Variants in MKRN1 observed in about 807,000 individuals in gnomAD.
MKRN1 encodes the protein E3 ubiquitin-protein ligase makorin-1.
Under a neutral mutation model 55.5 loss-of-function variants are expected in MKRN1, and 9 were observed. The ratio of observed to expected loss-of-function variants is 0.16; its 90% CI spans 0.10 to 0.28. The LOEUF (loss-of-function observed/expected upper bound fraction) is 0.28. Ranked by LOEUF, MKRN1 falls within the 10% of genes least tolerant of loss-of-function variation. The pLI, the probability that MKRN1 is intolerant of heterozygous loss-of-function variation, is 1.00. For synonymous variants in MKRN1, 253 were observed against 235.9 expected, an observed-to-expected ratio of 1.07 and a Z score of -0.66; for missense variants, 488 against 626.7, an observed-to-expected ratio of 0.78 and a Z score of 2.36.
intron 2 of MKRN1, among the ~76,000 whole-genome samples, chr7:140,463,324 T>C (rs1007893899): frequency 6.6e-6 from 1 of 152,214 alleles, no homozygotes; most frequent in African/African-American, 2.4e-5. Flanking sequence ...CTCACTGTCC[T>C]ACTAAGTGAT....
chr7:140,457,033 G>T (rs1794484628), intron 4 of MKRN1, 167 bp from the exon 5 acceptor site: 4 of 602,878 alleles, frequency 6.6e-6, no homozygotes, highest in Non-Finnish European at 8.2e-6. Context: ...CAGGTGTGGT[G>T]TTTTTTTTTT....
Position 140,453,036 on chromosome 7 carries a change from C to T in MKRN1, c.*1481G>A, listed in dbSNP as rs1794373682. On this transcript the variant is annotated 3_prime_UTR_variant, in exon 8 of 8. Transcript: ENST00000255977. ...GGCACATTTCAAAAACAGCTCATTA[C>T]ACAGAACAGCCAACTTTTTTTTTAA... 6.6e-6 allele frequency: 1 copy of T among 152,570 alleles called. No individual in the cohort carries two copies. The highest frequency in any genetic ancestry group is 2.4e-5 in the African/African-American group (1 of 41,418). The allele number at this position is 152,570 out of a possible 1,614,324, so 9.5% of individuals were successfully genotyped here.
rs113609274 is a variant in MKRN1, at chr7:140,470,664, C to T, written c.314+1219G>A. On this transcript the variant is annotated intron_variant, in intron 2 of 7. Transcript: ENST00000255977. ...GGCACTGTGTCTCACACCTGTAATCCCAGCACTCTGGGAGGCCGAGGTGGG... is the reference window on the plus strand; with the variant it reads ...GGCACTGTGTCTCACACCTGTAATCTCAGCACTCTGGGAGGCCGAGGTGGG... Among the ~76,000 whole-genome samples the T allele has an allele frequency of 1.5e-4, 23 of 150,854 alleles. 1 individual carries two copies. The highest frequency in any genetic ancestry group is 5.4e-4 in the African/African-American group (22 of 41,056).
At chr7:140,467,372 G>T (rs1794804186) in intron 2 of MKRN1, among the ~76,000 whole-genome samples, 1 of 152,004 alleles carries the variant, frequency 6.6e-6, no homozygotes. Context: ...TACCTTCCCA[G>T]GTTCAAGTGA....
chr7:140,477,855 T>C (rs1294783741), intron 1 of MKRN1, among the ~76,000 whole-genome samples: 1 of 152,214 alleles, frequency 6.6e-6, no homozygotes, highest in Non-Finnish European at 1.5e-5. Context: ...ATTCAAATAA[T>C]TTGCTCCATG....
chr7:140,469,039 AC>A (rs1243230823), intron 2 of MKRN1, among the ~76,000 whole-genome samples: 1 of 152,108 alleles, frequency 6.6e-6, no homozygotes, highest in East Asian at 1.9e-4. Context: ...ATTAAAATTG[AC>A]TATGACTATG....
intron 2 of MKRN1, among the ~76,000 whole-genome samples, chr7:140,470,647 G>A (rs1392613259): frequency 6.6e-6 from 1 of 151,602 alleles, no homozygotes; most frequent in Non-Finnish European, 1.5e-5. Context: ...TGGGCACTGT[G>A]TCTCACACCT....
At chr7:140,477,209 C>G (rs2130376367) in intron 1 of MKRN1, among the ~76,000 whole-genome samples, 1 of 151,908 alleles carries the variant, frequency 6.6e-6, no homozygotes, top group Middle Eastern at 3.4e-3. Context: ...ATGTCAAACA[C>G]TAAAACCCCA....
rs376539828 is a variant in MKRN1 at position 140,463,790 on chromosome 7, G to C, written c.315-3854C>G. Among the ~76,000 whole-genome samples the C allele has an allele frequency of 3.4e-3, 515 of 152,000 alleles. 2 individuals carry two copies. The highest frequency in any genetic ancestry group is 0.01 in the African/African-American group (420 of 41,460). On this transcript the variant is annotated intron_variant, in intron 2 of 7. Transcript: ENST00000255977. Reference sequence around the variant, plus strand: ...GTCCCAGCTACTCGGGAGGCTGAGGGAGGAGAATGGCGTGAACCTGGGAGG... The same window carrying C: ...GTCCCAGCTACTCGGGAGGCTGAGGCAGGAGAATGGCGTGAACCTGGGAGG...
intron 1 of MKRN1, among the ~76,000 whole-genome samples, chr7:140,472,562 G>T (rs900595328): frequency 4.8e-4 from 73 of 151,322 alleles, no homozygotes; most frequent in African/African-American, 1.7e-3. Flanking sequence ...CTAATTTCTT[G>T]TATTTTTAGT....
chr7:140,471,005 A>AG (rs1794907741), intron 2 of MKRN1, among the ~76,000 whole-genome samples: 1 of 152,128 alleles, frequency 6.6e-6, no homozygotes. Context: ...AGTGTCTCTG[A>AG]GATAGAACCA....
chr7:140,479,320 T>C lies in MKRN1; in HGVS notation c.25A>G (p.Thr9Ala). The C allele has an allele frequency of 7.6e-7, 1 of 1,311,426 alleles. No homozygotes were observed. 81.2% of individuals were successfully genotyped at this position (1,311,426 alleles called of 1,614,324 possible). A position where few individuals can be genotyped will look rare whatever the true frequency, so the allele number is the denominator to read the frequency against. The change falls in exon 1 of 8, where the codon ACA becomes GCA. Residue 9 changes from threonine (T) to alanine (A), a missense_variant. Physicochemically the swap from Thr to Ala is moderately conservative, Grantham distance 58. Transcript: ENST00000255977. MAEAATPG[T>A]TATTSGAGAA... is the part of the protein sequence containing the mutation. ...CCTGCTCCTGATGTTGTGGCTGTTGTTCCGGGAGTTGCAGCCTCCGCCATT... is the reference window on the plus strand; with the variant it reads ...CCTGCTCCTGATGTTGTGGCTGTTGCTCCGGGAGTTGCAGCCTCCGCCATT...
rs1225401969 is a variant in MKRN1, at chr7:140,455,842, C to T, written c.1045G>A (p.Glu349Lys). ...NFVIPSEYWV[E>K]EKEEKQKLIL... ...AGTTTCTGCTTCTCTTCTTTCTCCTCCACCCAGTACTCACTTGGAATGACA... is the reference window on the plus strand; with the variant it reads ...AGTTTCTGCTTCTCTTCTTTCTCCTTCACCCAGTACTCACTTGGAATGACA... Residue 349 changes from glutamate (E) to lysine (K), a missense_variant, in exon 6 of 8, where the codon GAG (glutamate) becomes AAG (lysine). Transcript: ENST00000255977. 10 of 1,614,140 alleles carry T rather than the reference C, an allele frequency of 6.2e-6. No individual in the cohort carries two copies. The highest frequency in any genetic ancestry group is 8.5e-6 in the Non-Finnish European group (10 of 1,180,018).
intron 1 of MKRN1, among the ~76,000 whole-genome samples, chr7:140,476,809 G>C (rs557596517): frequency 1.4e-4 from 21 of 152,148 alleles, no homozygotes; most frequent in South Asian, 4.1e-4. Flanking sequence ...ACCGGGTGCG[G>C]TGGCTCACGC....
In MKRN1 at chr7:140,471,978, G is replaced by T; in HGVS notation, c.219C>A (p.Asp73Glu). 6.2e-7 allele frequency: 1 copy of T among 1,614,118 alleles called. No individual in the cohort carries two copies. Among genetic ancestry groups the T allele is most frequent in the Non-Finnish European group, 8.5e-7 (1 of 1,180,028 alleles). Residue 73 changes from aspartate to glutamate, a missense_variant, in exon 2 of 8, where the codon GAC becomes GAA. Transcript: ENST00000255977. ...AGAGGTCATGCGAGTAGCGACAGTT[G>T]TCTCCTTCCTTACAAACCCCATGCA... ...YFMHGVCKEGDNCRYSHDLSD... is the reference protein window; with the variant it reads ...YFMHGVCKEGENCRYSHDLSD...
rs1483553303 is a variant in MKRN1 at position 140,453,532 on chromosome 7, C to T, written c.*985G>A. 6.6e-6 allele frequency: 1 copy of T among 152,552 alleles called. No individual in the cohort carries two copies. The highest frequency in any genetic ancestry group is 1.5e-5 in the Non-Finnish European group (1 of 68,018). 9.4% of individuals were successfully genotyped at this position (152,552 alleles called of 1,614,324 possible). A position where few individuals can be genotyped will look rare whatever the true frequency, so the allele number is the denominator to read the frequency against. Reference sequence around the variant, plus strand: ...AGTGCCTGTACTGGAAAGGCTAGATCGTAAAACATTAAATACAACTGTGTA... The same window carrying T: ...AGTGCCTGTACTGGAAAGGCTAGATTGTAAAACATTAAATACAACTGTGTA... On this transcript the variant is annotated 3_prime_UTR_variant, in exon 8 of 8. Transcript: ENST00000255977.
At chr7:140,473,997 A>AGGAAGG in intron 1 of MKRN1, among the ~76,000 whole-genome samples, 1 of 113,774 alleles carries the variant, frequency 8.8e-6, no homozygotes, top group African/African-American at 3.9e-5. Context: ...CGTCTCAAAA[A>AGGAAGG]AAAAAAAAAA....
chr7:140,454,863 A>T, intron 7 of MKRN1, 134 bp from the exon 8 acceptor site: 1 of 1,069,326 alleles, frequency 9.4e-7, no homozygotes, highest in Non-Finnish European at 1.4e-6. Context: ...TCCATTTACC[A>T]CTTCCTCCCC....
chr7:140,478,037 G>A (rs1411969121), intron 1 of MKRN1: 1 of 152,118 alleles, frequency 6.6e-6, no homozygotes, highest in South Asian at 2.1e-4. Flanking sequence ...AGAGACCTTC[G>A]AAGGTCGCCA....
Sources: gnomAD v4.1 joint callset for allele counts (sites outside exome capture counted in the v4.1 genomes callset) on GRCh38, gnomAD v4.1.1 for gene constraint, MANE v1.5 for transcripts, NCBI Gene and HGNC (gene_info 2026-07-23, HGNC 2026-07-21) for gene names.